Variants in MOV10L1 observed in about 807,000 individuals in gnomAD.
MOV10L1 encodes the protein Mov10 like RNA helicase 1.
Under a neutral mutation model 143.8 loss-of-function variants are expected in MOV10L1, and 110 were observed. The observed-to-expected ratio is 0.76, with a 90% CI of 0.66 to 0.90. The LOEUF (loss-of-function observed/expected upper bound fraction) is 0.90, where lower values mean the gene tolerates loss of function less well. Ranked by LOEUF, MOV10L1 falls within the 40% of genes least tolerant of loss-of-function variation. The probability of loss-of-function intolerance (pLI) is 0.00; values close to 1 mark genes in which losing one functional copy is unlikely to be tolerated. For synonymous variants in MOV10L1, 593 were observed against 581.1 expected, an observed-to-expected ratio of 1.02 and a Z score of -0.29; for missense variants, 1,406 against 1,526.8, an observed-to-expected ratio of 0.92 and a Z score of 1.32.
intron 17 of MOV10L1, chr22:50,143,461 C>A (rs760750): frequency 0.24 from 122,807 of 508,888 alleles, 15,687 homozygotes; most frequent in Admixed American, 0.36. Context: ...TGAATCATGA[C>A]ATTTTGCTGC....
intron 13 of MOV10L1, among the ~76,000 whole-genome samples, chr22:50,132,263 T>G (rs2062699118): frequency 6.6e-6 from 1 of 152,354 alleles, no homozygotes; most frequent in South Asian, 2.1e-4. Context: ...CCAACTTTGT[T>G]CCTTTTCAAG....
At chr22:50,104,625 CT>C (rs1252774459) in intron 3 of MOV10L1, among the ~76,000 whole-genome samples, 1 of 151,846 alleles carries the variant, frequency 6.6e-6, no homozygotes, top group Admixed American at 6.6e-5. Context: ...TATTAGTGGA[CT>C]TTTAAAGAAG....
At chr22:50,119,265 G>A (rs2062268478) in intron 9 of MOV10L1, among the ~76,000 whole-genome samples, 1 of 152,192 alleles carries the variant, frequency 6.6e-6, no homozygotes, top group South Asian at 2.1e-4. Flanking sequence ...GACCCAGAGT[G>A]CCTGACCCGG....
At position 50,158,721 on chromosome 22, in the gene MOV10L1, G is replaced by T. The variant is rs992891172; in HGVS notation, c.3216+515G>T. On this transcript the variant is annotated intron_variant, in intron 23 of 26. Transcript: ENST00000262794. The surrounding 1 kb of genome is among the most constrained non-coding windows in gnomAD (Gnocchi z 5.0). ...ATGCCGAACACCAGGTTTCATTCAT[G>T]AAGCATGTGTCCCTGTGGTGTTCAC... 2.6e-5 allele frequency: 4 copies of T among 155,728 alleles called. No individual in the cohort carries two copies. Among genetic ancestry groups the T allele is most frequent in the African/African-American group, 9.7e-5 (4 of 41,444 alleles). The allele number at this position is 155,728 out of a possible 1,614,324, so 9.6% of individuals were successfully genotyped here.
rs1188695752 is a variant in MOV10L1 at position 50,099,752 on chromosome 22, G to A, written c.442+150G>A. On this transcript the variant is annotated intron_variant, in intron 3 of 26. Transcript: ENST00000262794. ...CGCTTGAGCCCAGGAGTTGGAGGCT[G>A]CAGTGAGCTATGATCCAGCCACTAC... is the stretch of plus-strand genomic sequence containing the variant. 9 of 878,448 alleles carry A rather than the reference G, an allele frequency of 1.0e-5. 1 individual carries two copies. The highest frequency in any genetic ancestry group is 3.5e-4 in the Middle Eastern group (1 of 2,858). The allele number at this position is 878,448 out of a possible 1,614,324, so 54.4% of individuals were successfully genotyped here. A position where few individuals can be genotyped will look rare whatever the true frequency, so the allele number is the denominator to read the frequency against.
chr22:50,113,856 T>C, intron 6 of MOV10L1, 68 bp downstream of exon 6: 1 of 1,359,938 alleles, frequency 7.4e-7, no homozygotes, highest in Middle Eastern at 2.0e-4. Flanking sequence ...ACTCAATAAT[T>C]TCTGTAAAAC....
At chr22:50,133,984 T>C in intron 13 of MOV10L1, 23 bp from the exon 14 acceptor site, 1 of 1,603,096 alleles carries the variant, frequency 6.2e-7, no homozygotes, top group Non-Finnish European at 8.5e-7. Flanking sequence ...GTTAGTTATT[T>C]TATGTGGTTT....
rs1215024940 is a variant in MOV10L1 at position 50,145,801 on chromosome 22, T to C, written c.2618T>C (p.Ile873Thr). 3 of 1,613,814 alleles carry C rather than the reference T, an allele frequency of 1.9e-6. No homozygotes were observed. The highest frequency in any genetic ancestry group is 2.5e-6 in the Non-Finnish European group (3 of 1,179,952). ...AGCAGCTCAGGGCTGTTTTACCAAA[T>C]AGGAGTGAGGTGAGCCCCGGGCATG... ...TCSSSGLFYQ[I>T]GVRVGHFTHV... Residue 873 changes from isoleucine to threonine, a missense_variant, in exon 19 of 27, where the codon ATA becomes ACA. Around this residue, in one of 3 missense-constraint regions of MOV10L1, gnomAD observed 1,233 missense variants for 1,351.4 expected, o/e 0.91. Coordinates refer to ENST00000262794, the MANE Select transcript of MOV10L1 (RefSeq NM_018995.3).
At chr22:50,151,002 C>T (rs933578428) in intron 21 of MOV10L1, 103 bp downstream of exon 21, 28 of 1,462,794 alleles carry the variant, frequency 1.9e-5, no homozygotes, top group African/African-American at 1.7e-4. Context: ...CATCTCCATC[C>T]GTGGGCAGAG....
At chr22:50,120,922 A>T (rs973447016) in intron 10 of MOV10L1, among the ~76,000 whole-genome samples, 8 of 152,186 alleles carry the variant, frequency 5.3e-5, no homozygotes, top group African/African-American at 1.9e-4. Flanking sequence ...CTCTCTCGCT[A>T]GACTAGGAGG....
chr22:50,139,891 C>T (rs1394145483), intron 15 of MOV10L1, among the ~76,000 whole-genome samples: 1 of 152,150 alleles, frequency 6.6e-6, no homozygotes, highest in East Asian at 1.9e-4. Context: ...GCCGCTGGCA[C>T]GTACCCTGCT....
chr22:50,099,695 C>T, intron 3 of MOV10L1, 93 bp downstream of exon 3: 1 of 1,415,076 alleles, frequency 7.1e-7, no homozygotes, highest in South Asian at 1.3e-5. Context: ...TGCCTATAAT[C>T]CCAGCACTTT....
chr22:50,101,581 G>GATCTTA (rs2061745964), intron 3 of MOV10L1, among the ~76,000 whole-genome samples: 1 of 134,906 alleles, frequency 7.4e-6, no homozygotes, highest in Admixed American at 8.3e-5. Flanking sequence ...GTGCAGTGGT[G>GATCTTA]GCTCACTGTA....
At chr22:50,131,249 A>G (rs907684565) in intron 13 of MOV10L1, among the ~76,000 whole-genome samples, 1 of 152,106 alleles carries the variant, frequency 6.6e-6, no homozygotes, top group African/African-American at 2.4e-5. Flanking sequence ...TTTGTACAAA[A>G]TACTTGTTGA....
intron 1 of MOV10L1, 45 bp downstream of exon 1, chr22:50,090,230 G>A (rs976052655): frequency 1.5e-5 from 21 of 1,406,078 alleles, no homozygotes; most frequent in Non-Finnish European, 1.7e-5. Context: ...GGGCCCTCGC[G>A]TGTCGGCCAC....
intron 3 of MOV10L1, among the ~76,000 whole-genome samples, chr22:50,106,608 A>G (rs541939025): frequency 2.0e-5 from 3 of 152,022 alleles, no homozygotes; most frequent in Admixed American, 6.5e-5. Context: ...AATTCTGTTA[A>G]TTGTGGAATA....
intron 12 of MOV10L1, among the ~76,000 whole-genome samples, chr22:50,127,769 T>TG (rs1305472629): frequency 2.1e-5 from 3 of 140,594 alleles, no homozygotes; most frequent in Admixed American, 1.6e-4. Context: ...TTGTAATGAC[T>TG]GTTTTTTTTG....
intron 3 of MOV10L1, among the ~76,000 whole-genome samples, chr22:50,102,153 G>C (rs2061761829): frequency 6.6e-6 from 1 of 152,202 alleles, no homozygotes; most frequent in African/African-American, 2.4e-5. Context: ...GTCCTCTTGA[G>C]GCTGAGAGAG....
intron 6 of MOV10L1, 57 bp downstream of exon 6, chr22:50,113,845 G>A: frequency 7.2e-7 from 1 of 1,383,416 alleles, no homozygotes; most frequent in Non-Finnish European, 9.5e-7. Flanking sequence ...TTTACACTAT[G>A]ACTCAATAAT....
Sources: allele counts gnomAD v4.1 joint callset (sites outside exome capture counted in the v4.1 genomes callset), GRCh38; gene constraint gnomAD v4.1.1; regional missense constraint gnomAD v4.1.1; non-coding constraint Gnocchi (gnomAD v3.1); transcripts MANE v1.5; gene names NCBI Gene and HGNC (gene_info 2026-07-23, HGNC 2026-07-21).